The following CNBD2 variants were observed in gnomAD, a reference collection of about 807,000 sequenced individuals.
CNBD2 encodes the protein cyclic nucleotide binding domain containing 2, also known as cyclic nucleotide-binding domain-containing protein 2.
In CNBD2, 64 loss-of-function variants were observed where a neutral mutation model predicts 63.7. The observed-to-expected ratio is 1.00, with a 90% CI of 0.82 to 1.24. The LOEUF (loss-of-function observed/expected upper bound fraction) is 1.24. Among genes scored for constraint, CNBD2 ranks in the 50% most tolerant of loss-of-function variants. The pLI is 0.00. For synonymous variants in CNBD2, 229 were observed against 255.4 expected, an observed-to-expected ratio of 0.90 and a Z score of 0.99; for missense variants, 691 against 713.5, an observed-to-expected ratio of 0.97 and a Z score of 0.36.
At chr20:36,009,121 T>A (rs1291413216) in intron 9 of CNBD2, among the ~76,000 whole-genome samples, 1 of 151,966 alleles carries the variant, frequency 6.6e-6, no homozygotes, top group African/African-American at 2.4e-5. Context: ...CGCTTGAGCC[T>A]AGGAAGTTGA....
At chr20:35,964,321 C>G (rs1250684233), upstream of CNBD2, among the ~76,000 whole-genome samples, 2 of 152,056 alleles carry the variant, frequency 1.3e-5, no homozygotes, top group Non-Finnish European at 2.9e-5. Flanking sequence ...GCTGGGATTA[C>G]AGGCCCGCGC....
chr20:36,011,216 G>A lies in CNBD2; in HGVS notation c.1228G>A (p.Ala410Thr). Residue 410 changes from alanine to threonine, a missense_variant, in exon 10 of 12, where the codon GCC (alanine) becomes ACC (threonine). Coordinates refer to ENST00000373973, the MANE Select transcript of CNBD2 (RefSeq NM_001365709.1). ...GELPKEAAVG[A>T]YVKVHTVEQG... ...GCTCCCCAAGGAGGCTGCAGTGGGG[G>A]CCTACGTGAAGGTGCACACTGTGGA... 1.3e-6 allele frequency: 2 copies of A among 1,594,316 alleles called. No individual in the cohort carries two copies. Among genetic ancestry groups the A allele is most frequent in the Non-Finnish European group, 1.7e-6 (2 of 1,169,398 alleles).
upstream of CNBD2, among the ~76,000 whole-genome samples, chr20:35,964,327 C>T (rs1601004015): frequency 6.6e-6 from 1 of 151,950 alleles, no homozygotes; most frequent in African/African-American, 2.4e-5. Context: ...ATTACAGGCC[C>T]GCGCCACCAT....
chr20:36,003,103 A>G (rs533059269), intron 8 of CNBD2, among the ~76,000 whole-genome samples: 1 of 151,740 alleles, frequency 6.6e-6, no homozygotes, highest in Admixed American at 6.6e-5. Context: ...TTCATTTTAG[A>G]CATTTTAGTT....
chr20:36,019,529 G>GAA (rs60556168), intron 10 of CNBD2, among the ~76,000 whole-genome samples: 46 of 71,714 alleles, frequency 6.4e-4, no homozygotes, highest in Admixed American at 1.1e-3. Context: ...CTCAAAAAAA[G>GAA]AAAAAAAAAA....
At chr20:35,958,376 G>T (rs142137277), downstream of CNBD2, among the ~76,000 whole-genome samples, 2 of 152,184 alleles carry the variant, frequency 1.3e-5, no homozygotes, top group African/African-American at 4.8e-5. Context: ...AGGTTGCAGT[G>T]AGCTGAGATC....
chr20:36,011,031 C>T lies in CNBD2; in HGVS notation c.1149-106C>T, dbSNP rs2590978. The T allele has an allele frequency of 7.3e-3, 8,906 of 1,217,244 alleles. 548 individuals carry two copies. The African/African-American group carries it at 0.13, about 17-fold the overall frequency. The allele number at this position is 1,217,244 out of a possible 1,614,324, so 75.4% of individuals were successfully genotyped here. A position where few individuals can be genotyped will look rare whatever the true frequency, so the allele number is the denominator to read the frequency against. ...GCCTTCTGGGAAGTTGTGAATTCCC[C>T]AGGGAGGGGAGCCCTCCATGTGCAG... is the stretch of plus-strand genomic sequence containing the variant. On this transcript the variant is annotated intron_variant, in intron 9 of 11. Transcript: ENST00000373973.
exon 1 of CNBD2, chr20:35,954,763 G>A (rs925211413): frequency 3.9e-6 from 2 of 517,890 alleles, no homozygotes; most frequent in African/African-American, 4.1e-5. Flanking sequence ...GGTGACCTTT[G>A]CGTGCGGGCG....
At chr20:35,965,018 C>T (rs2056334896), upstream of CNBD2, among the ~76,000 whole-genome samples, 1 of 152,084 alleles carries the variant, frequency 6.6e-6, no homozygotes, top group South Asian at 2.1e-4. Context: ...TCTTTCATAG[C>T]TTTATTATAG....
chr20:35,998,223 T>C (rs2056852690), intron 8 of CNBD2, among the ~76,000 whole-genome samples: 1 of 151,826 alleles, frequency 6.6e-6, no homozygotes, highest in Non-Finnish European at 1.5e-5. Flanking sequence ...TGTATTTTAG[T>C]AGAGATGGGG....
rs1264404243 is a variant in CNBD2, at chr20:36,011,215, G to A, written c.1227G>A (p.Gly409=). The A allele has an allele frequency of 6.3e-7, 1 of 1,594,702 alleles. No individual in the cohort carries two copies. The highest frequency in any genetic ancestry group is 1.1e-5 in the South Asian group (1 of 87,980). Residue 409 remains glycine (G), a synonymous_variant, in exon 10 of 12, where the codon GGG becomes GGA. Coordinates refer to ENST00000373973, the MANE Select transcript of CNBD2 (RefSeq NM_001365709.1). ...AGCTCCCCAAGGAGGCTGCAGTGGGGGCCTACGTGAAGGTGCACACTGTGG... is the reference window on the plus strand; with the variant it reads ...AGCTCCCCAAGGAGGCTGCAGTGGGAGCCTACGTGAAGGTGCACACTGTGG... The part of the protein sequence containing the change: ...PGELPKEAAV[G]AYVKVHTVEQ...
intron 3 of CNBD2, among the ~76,000 whole-genome samples, chr20:35,976,971 C>T (rs982815761): frequency 6.6e-6 from 1 of 152,144 alleles, no homozygotes; most frequent in Non-Finnish European, 1.5e-5. Context: ...CTCTCCTGGG[C>T]ACAGCCTTAT....
At chr20:35,954,725 C>T (rs1414772672) in exon 1 of CNBD2, 3 of 898,510 alleles carry the variant, frequency 3.3e-6, no homozygotes, top group Non-Finnish European at 4.5e-6. Context: ...AAGTCCCGGA[C>T]CTTATCCGTG....
chr20:35,956,659 A>T (rs910783648), downstream of CNBD2, among the ~76,000 whole-genome samples: 39 of 152,164 alleles, frequency 2.6e-4, no homozygotes, highest in African/African-American at 9.2e-4. Flanking sequence ...GCCCCTCAGT[A>T]GTTGGGTTTG....
chr20:35,987,855 A>AATTT (rs10636802), intron 7 of CNBD2, among the ~76,000 whole-genome samples: 33,989 of 151,172 alleles, frequency 0.22, 4,080 homozygotes, highest in South Asian at 0.42. Context: ...ATCACTTTTA[A>AATTT]ATTTATTTAT....
At chr20:36,000,629 G>A (rs1444405013) in intron 8 of CNBD2, among the ~76,000 whole-genome samples, 1 of 152,030 alleles carries the variant, frequency 6.6e-6, no homozygotes, top group African/African-American at 2.4e-5. Context: ...GCACAACCTC[G>A]GCTAGCTGCA....
intron 7 of CNBD2, among the ~76,000 whole-genome samples, chr20:35,994,051 GT>G (rs111682277): frequency 2.0e-5 from 3 of 147,570 alleles, no homozygotes; most frequent in Non-Finnish European, 3.0e-5. Context: ...GGCTAATTTT[GT>G]TTTTTTTTGT....
At position 35,984,613 on chromosome 20, in the gene CNBD2, T is replaced by G. The variant is rs751663962; in HGVS notation, c.565-14T>G. 2.1e-5 allele frequency: 34 copies of G among 1,613,522 alleles called. No individual in the cohort carries two copies. The highest frequency in any genetic ancestry group is 2.8e-5 in the Non-Finnish European group (33 of 1,179,712). ...GGTGGCCTCACACTTGCCCTTGCCC[T>G]GTCCACCCAACAGGAAATGGACGTT... On this transcript the variant is annotated splice_polypyrimidine_tract_variant and intron_variant, in intron 5 of 11. Coordinates refer to ENST00000373973, the MANE Select transcript of CNBD2 (RefSeq NM_001365709.1).
chr20:36,022,217 T>TTTTTTTTTTTTTTTTTTTTTTTTG (rs561441076), intron 10 of CNBD2, among the ~76,000 whole-genome samples: 12 of 107,106 alleles, frequency 1.1e-4, no homozygotes, highest in African/African-American at 3.0e-4. Context: ...TTTTTTTTTT[T>TTTTTTTTTTTTTTTTTTTTTTTTG]GAGATGGAGT....
Sources: allele counts gnomAD v4.1 joint callset (sites outside exome capture counted in the v4.1 genomes callset), GRCh38; gene constraint gnomAD v4.1.1; transcripts MANE v1.5; gene names NCBI Gene and HGNC (gene_info 2026-07-23, HGNC 2026-07-21).